Variants in BLK observed in about 807,000 individuals in gnomAD.
The protein encoded by BLK is tyrosine-protein kinase Blk.
A neutral mutation model predicts 61.8 loss-of-function variants in BLK; 64 were observed. The observed-to-expected ratio is 1.03, with a 90% CI of 0.85 to 1.27. BLK has a LOEUF of 1.27. Among genes scored for constraint, BLK ranks in the 50% most tolerant of loss-of-function variants. The probability of loss-of-function intolerance (pLI) is 0.00; values close to 1 mark genes in which losing one functional copy is unlikely to be tolerated. For missense variants in BLK, 853 were observed against 660.5 expected (o/e 1.29, Z -3.19); for synonymous variants, 351 against 272.0 (o/e 1.29, Z -2.86).
intron 1 of BLK, among the ~76,000 whole-genome samples, chr8:11,540,989 A>G (rs184577852): frequency 1.2e-4 from 19 of 152,284 alleles, no homozygotes; most frequent in African/African-American, 2.9e-4. Context: ...AATAGGGCCG[A>G]GTGTGATGGC....
At chr8:11,547,674 G>A (rs1800708734) in intron 3 of BLK, among the ~76,000 whole-genome samples, 1 of 152,210 alleles carries the variant, frequency 6.6e-6, no homozygotes, top group African/African-American at 2.4e-5. Context: ...GAGGGCAGGT[G>A]TAGAATAAGA....
At chr8:11,501,291 C>G (rs959763910) in intron 1 of BLK, among the ~76,000 whole-genome samples, 3 of 151,390 alleles carry the variant, frequency 2.0e-5, no homozygotes, top group African/African-American at 7.3e-5. Context: ...AAAATAGGGT[C>G]AAAAGTCATA....
chr8:11,554,904 G>A lies in BLK; in HGVS notation c.619+15G>A, dbSNP rs1403723962. 6.2e-7 allele frequency: 1 copy of A among 1,610,288 alleles called. No individual in the cohort carries two copies. Among genetic ancestry groups the A allele is most frequent in the Non-Finnish European group, 8.5e-7 (1 of 1,179,834 alleles). ...GCACTATTCTAGTAAGAGGGGGCGT[G>A]CAATGGGGGCAGGGACTTGTGCCAA... On this transcript the variant is annotated intron_variant, in intron 7 of 12. Transcript: ENST00000259089.
intron 4 of BLK, among the ~76,000 whole-genome samples, chr8:11,548,332 C>G (rs1233924149): frequency 2.0e-5 from 3 of 152,326 alleles, no homozygotes; most frequent in Admixed American, 1.3e-4. Flanking sequence ...CATTCACAAC[C>G]TCCTGCTCAT....
chr8:11,495,901 TTC>T (rs1798344723), intron 1 of BLK, among the ~76,000 whole-genome samples: 1 of 152,210 alleles, frequency 6.6e-6, no homozygotes, highest in Non-Finnish European at 1.5e-5. Context: ...AATATGGAAA[TTC>T]TCTGTGCTAT....
At chr8:11,555,302 C>G (rs937821418) in intron 7 of BLK, 30 bp from the exon 8 acceptor site, 1 of 1,613,432 alleles carries the variant, frequency 6.2e-7, no homozygotes, top group African/African-American at 1.3e-5. Flanking sequence ...TCTGGTAACC[C>G]CCAGCCCTGT....
At chr8:11,506,739 C>T (rs1432747839) in intron 1 of BLK, among the ~76,000 whole-genome samples, 1 of 152,174 alleles carries the variant, frequency 6.6e-6, no homozygotes, top group African/African-American at 2.4e-5. Context: ...GCTAGAATGT[C>T]ATGTCAGCCT....
chr8:11,500,651 G>GACCACAGGTGTGCACC (rs989752924), intron 1 of BLK, among the ~76,000 whole-genome samples: 2 of 151,750 alleles, frequency 1.3e-5, no homozygotes, highest in Admixed American at 1.3e-4. Flanking sequence ...AAGTAGTTGG[G>GACCACAGGTGTGCACC]ACCACAGGTG....
intron 1 of BLK, among the ~76,000 whole-genome samples, chr8:11,541,269 A>G (rs1440755980): frequency 6.6e-6 from 1 of 152,210 alleles, no homozygotes; most frequent in Admixed American, 6.5e-5. Context: ...CACTGTCTCA[A>G]AACAAAATAA....
intron 1 of BLK, among the ~76,000 whole-genome samples, chr8:11,528,090 T>G (rs1391118956): frequency 6.6e-6 from 1 of 152,144 alleles, no homozygotes; most frequent in Non-Finnish European, 1.5e-5. Context: ...AGGCTGGAGT[T>G]CAATGGCGTG....
At chr8:11,503,087 G>T (rs1422965249) in intron 1 of BLK, among the ~76,000 whole-genome samples, 1 of 152,164 alleles carries the variant, frequency 6.6e-6, no homozygotes, top group Non-Finnish European at 1.5e-5. Context: ...GGGATGCTGA[G>T]CCAGGACCAG....
intron 1 of BLK, among the ~76,000 whole-genome samples, chr8:11,531,597 T>C (rs1799888354): frequency 6.6e-6 from 1 of 152,214 alleles, no homozygotes; most frequent in African/African-American, 2.4e-5. Flanking sequence ...TTGATATTCT[T>C]GAGTCTTCGG....
chr8:11,550,355 G>T, intron 6 of BLK, 93 bp downstream of exon 6: 1 of 1,220,174 alleles, frequency 8.2e-7, no homozygotes, highest in Non-Finnish European at 1.2e-6. Flanking sequence ...GGGAAGGGGT[G>T]ACTGCCAGGA....
intron 1 of BLK, among the ~76,000 whole-genome samples, chr8:11,529,011 G>C (rs982511621): frequency 1.3e-5 from 2 of 152,188 alleles, no homozygotes; most frequent in African/African-American, 4.8e-5. Flanking sequence ...ATACTTAGGT[G>C]ATGGGTTGAT....
chr8:11,519,814 A>G (rs1799369935), intron 1 of BLK, among the ~76,000 whole-genome samples: 2 of 152,178 alleles, frequency 1.3e-5, no homozygotes, highest in Non-Finnish European at 1.5e-5. Context: ...TTTAAACTCT[A>G]CTGTATGCTG....
chr8:11,504,960 G>A (rs768002312), intron 1 of BLK, among the ~76,000 whole-genome samples: 7 of 152,202 alleles, frequency 4.6e-5, no homozygotes, highest in Non-Finnish European at 8.8e-5. Context: ...ACAGAGACAC[G>A]TACAGACACA....
At chr8:11,506,417 A>G (rs1004946975) in intron 1 of BLK, among the ~76,000 whole-genome samples, 1 of 152,168 alleles carries the variant, frequency 6.6e-6, no homozygotes, top group African/African-American at 2.4e-5. Context: ...GTTTCATGGA[A>G]GGTGGAAGGG....
At chr8:11,510,502 C>T (rs1225451840) in intron 1 of BLK, among the ~76,000 whole-genome samples, 1 of 152,114 alleles carries the variant, frequency 6.6e-6, no homozygotes, top group Non-Finnish European at 1.5e-5. Context: ...AAGCTGAGCA[C>T]AAAATTTGGC....
intron 3 of BLK, 123 bp from the exon 4 acceptor site, chr8:11,547,909 T>A: frequency 1.1e-6 from 1 of 873,122 alleles, no homozygotes; most frequent in Non-Finnish European, 1.9e-6. Flanking sequence ...CTGTGCTGGG[T>A]GAGAACATCA....
Sources: allele counts gnomAD v4.1 joint callset (sites outside exome capture counted in the v4.1 genomes callset), GRCh38; gene constraint gnomAD v4.1.1; transcripts MANE v1.5; gene names NCBI Gene and HGNC (gene_info 2026-07-23, HGNC 2026-07-21).